The following HRH2 variants were observed in gnomAD, a reference collection of about 807,000 sequenced individuals.
The protein encoded by HRH2 is histamine receptor H2.
A neutral mutation model predicts 20.1 loss-of-function variants in HRH2; 4 were observed. That is an observed-to-expected ratio of 0.20 (90% CI 0.10 to 0.45). The LOEUF is 0.45. Among genes scored for constraint, HRH2 ranks in the 20% least tolerant of loss-of-function variants. The pLI is 0.99. For synonymous variants in HRH2, 197 were observed against 200.7 expected, an observed-to-expected ratio of 0.98 and a Z score of 0.16; for missense variants, 250 against 461.6, an observed-to-expected ratio of 0.54 and a Z score of 4.20.
chr5:175,697,022 G>A (rs985886042), intron 2 of HRH2, among the ~76,000 whole-genome samples: 1 of 152,188 alleles, frequency 6.6e-6, no homozygotes, highest in Non-Finnish European at 1.5e-5. Flanking sequence ...CGGTCAGGGC[G>A]CTCAACCCCA....
intron 2 of HRH2, among the ~76,000 whole-genome samples, chr5:175,689,919 C>G (rs1235642332): frequency 6.6e-6 from 1 of 152,216 alleles, no homozygotes; most frequent in Non-Finnish European, 1.5e-5. Flanking sequence ...GCTTGAGGAG[C>G]AAGGCTGACT....
Position 175,686,858 on chromosome 5 carries a change from C to T in HRH2, c.1076+2549C>T, listed in dbSNP as rs924925628. Reference sequence around the variant, plus strand: ...CCCCAAGGGATACAACCCAAAGTTGCGATCTGAGCAACAACAGAAATAGCA... The same window carrying T: ...CCCCAAGGGATACAACCCAAAGTTGTGATCTGAGCAACAACAGAAATAGCA... On this transcript the variant is annotated intron_variant, in intron 2 of 2. Transcript: ENST00000636584. This position sits in a 1 kb window ranked among gnomAD's most constrained non-coding sequence, Gnocchi z 4.7. 1.3e-5 allele frequency among the ~76,000 whole-genome samples: 2 copies of T among 152,188 alleles called. No individual in the cohort carries two copies.
chr5:175,659,785 T>C (rs1484584652), intron 1 of HRH2, among the ~76,000 whole-genome samples: 3 of 152,122 alleles, frequency 2.0e-5, no homozygotes, highest in African/African-American at 7.2e-5. Context: ...CCATGTGTCA[T>C]AGGAAGGACT....
chr5:175,661,057 A>T (rs1468987248), intron 1 of HRH2, among the ~76,000 whole-genome samples: 1 of 69,896 alleles, frequency 1.4e-5, no homozygotes, highest in Admixed American at 2.2e-4. Flanking sequence ...GTCCACCTAC[A>T]ACAATCCACA....
chr5:175,660,737 C>T (rs1762715433), intron 1 of HRH2, among the ~76,000 whole-genome samples: 2 of 152,192 alleles, frequency 1.3e-5, no homozygotes, highest in South Asian at 4.1e-4. Context: ...CTGAGTGTGC[C>T]CTGTCTCAGG....
At chr5:175,695,407 T>C (rs975584447) in intron 2 of HRH2, among the ~76,000 whole-genome samples, 4 of 152,202 alleles carry the variant, frequency 2.6e-5, no homozygotes, top group Non-Finnish European at 1.5e-5. Context: ...CGGCACCCAG[T>C]GAGCCCCAGA....
intron 2 of HRH2, among the ~76,000 whole-genome samples, chr5:175,692,467 C>T (rs1021678377): frequency 6.6e-6 from 1 of 152,236 alleles, no homozygotes; most frequent in South Asian, 2.1e-4. Flanking sequence ...GGCTTGCCCT[C>T]TCTGAGCCTC....
Position 175,683,096 on chromosome 5 carries a change from A to C in HRH2, c.-138A>C. ...AGCCTTCCCCACCCCCTGGCCAAAA[A>C]AAAAAAAAAAAAAAAACTGGACACA... On this transcript the variant is annotated 5_prime_UTR_variant, in exon 2 of 3. Transcript: ENST00000636584. 9.1e-7 allele frequency: 1 copy of C among 1,104,502 alleles called. No homozygotes were observed. Among genetic ancestry groups the C allele is most frequent in the Non-Finnish European group, 1.2e-6 (1 of 809,632 alleles). 68.4% of individuals were successfully genotyped at this position (1,104,502 alleles called of 1,614,324 possible).
intron 2 of HRH2, among the ~76,000 whole-genome samples, chr5:175,684,661 G>GT (rs1756105698): frequency 6.6e-6 from 1 of 152,170 alleles, no homozygotes; most frequent in Non-Finnish European, 1.5e-5. Flanking sequence ...CTGAGGAGTC[G>GT]TAAGTGTTCA....
At chr5:175,682,117 C>T (rs1474136501) in intron 1 of HRH2, among the ~76,000 whole-genome samples, 1 of 152,250 alleles carries the variant, frequency 6.6e-6, no homozygotes, top group Non-Finnish European at 1.5e-5. Context: ...GGCACGTCAT[C>T]TGCATAGCTG....
rs567689888 is a variant in HRH2, at chr5:175,682,717, C to A, written c.-517C>A. On this transcript the variant is annotated 5_prime_UTR_variant, in exon 2 of 3. Transcript: ENST00000636584. ...AACCTTTGCCTTTTCAGCTCCTGCC[C>A]TCCACTGACTCCAGAGAGGGAGATC... 40 of 156,782 alleles carry A rather than the reference C, an allele frequency of 2.6e-4. No homozygotes were observed. Among genetic ancestry groups the A allele is most frequent in the Non-Finnish European group, 1.4e-5 (1 of 70,570 alleles). 9.7% of individuals were successfully genotyped at this position (156,782 alleles called of 1,614,324 possible).
In HRH2 at chr5:175,677,767, GCAGC is replaced by G. The variant is rs1561726175; in HGVS notation, c.-525-4939_-525-4936del. On this transcript the variant is annotated intron_variant, in intron 1 of 2. Coordinates refer to ENST00000636584, the MANE Select transcript of HRH2 (RefSeq NM_001367711.1). This position sits in a 1 kb window ranked among gnomAD's most constrained non-coding sequence, Gnocchi z 4.2. ...AGAATGAGGAACTGGGCGGTGCCGGGCAGCCACCTGCTCCGGCCCACCCCCAGCT... is the reference window on the plus strand; with the variant it reads ...AGAATGAGGAACTGGGCGGTGCCGGGCACCTGCTCCGGCCCACCCCCAGCT... 6.6e-6 allele frequency among the ~76,000 whole-genome samples: 1 copy of G among 152,188 alleles called. No homozygotes were observed. Among genetic ancestry groups the G allele is most frequent in the Admixed American group, 6.5e-5 (1 of 15,282 alleles).
chr5:175,668,209 C>A (rs1339941262), intron 1 of HRH2, among the ~76,000 whole-genome samples: 1 of 152,206 alleles, frequency 6.6e-6, no homozygotes, highest in Non-Finnish European at 1.5e-5. Flanking sequence ...GTGGGCCAAG[C>A]ACTGTGGTGT....
In HRH2 at chr5:175,684,166, C is replaced by T. The variant is rs750532742; in HGVS notation, c.933C>T (p.Asn311=). 4 of 1,614,196 alleles carry T rather than the reference C, an allele frequency of 2.5e-6. No individual in the cohort carries two copies. Among genetic ancestry groups the T allele is most frequent in the South Asian group, 2.2e-5 (2 of 91,086 alleles). The change falls in exon 2 of 3, where the codon AAC becomes AAT. Residue 311 remains asparagine, a synonymous_variant. Transcript: ENST00000636584. ...TCTGCTGCAGGCTGGCCAACCGCAA[C>T]TCCCACAAAACTTCTCTGAGGTCCA... is the stretch of plus-strand genomic sequence containing the variant. The part of the protein sequence containing the change: ...QLFCCRLANR[N]SHKTSLRSNA...
At chr5:175,663,556 G>A (rs1055652222) in intron 1 of HRH2, among the ~76,000 whole-genome samples, 2 of 152,094 alleles carry the variant, frequency 1.3e-5, no homozygotes, top group Admixed American at 6.5e-5. Flanking sequence ...TCTATCAGGC[G>A]CCCTCCATCA....
intron 1 of HRH2, among the ~76,000 whole-genome samples, chr5:175,660,353 G>A (rs1181714923): frequency 6.6e-6 from 1 of 152,200 alleles, no homozygotes; most frequent in Non-Finnish European, 1.5e-5. Context: ...CAGTCAGAAA[G>A]TGCCTAAATG....
At chr5:175,682,151 C>T (rs893090865) in intron 1 of HRH2, among the ~76,000 whole-genome samples, 12 of 152,210 alleles carry the variant, frequency 7.9e-5, no homozygotes, top group Admixed American at 2.0e-4. Flanking sequence ...AAGGCAGAGC[C>T]GAGCCGTCAC....
chr5:175,685,864 C>CCCACAA, intron 2 of HRH2: 1 of 217,524 alleles, frequency 4.6e-6, no homozygotes, highest in Non-Finnish European at 9.1e-6. Context: ...AACAAGGGCT[C>CCCACAA]CAGGTTCTGG....
intron 2 of HRH2, among the ~76,000 whole-genome samples, chr5:175,698,360 G>A (rs1756674433): frequency 6.6e-6 from 1 of 152,198 alleles, no homozygotes; most frequent in Non-Finnish European, 1.5e-5. Context: ...ATGCTTTGAA[G>A]TTGGATAGCC....
Sources: allele counts gnomAD v4.1 joint callset (sites outside exome capture counted in the v4.1 genomes callset), GRCh38; gene constraint gnomAD v4.1.1; non-coding constraint Gnocchi (gnomAD v3.1); transcripts MANE v1.5; gene names NCBI Gene and HGNC (gene_info 2026-07-23, HGNC 2026-07-21).